The following KYNU variants were observed in gnomAD, a reference collection of about 807,000 sequenced individuals.
KYNU encodes the protein kynureninase, also known as L-kynurenine hydrolase.
In KYNU, 54 loss-of-function variants were observed where a neutral mutation model predicts 59.2. The observed-to-expected ratio is 0.91, with a 90% CI of 0.73 to 1.14. The LOEUF is 1.14. KYNU is among the 50% of genes most tolerant of loss of function. The pLI is 0.00. For missense variants in KYNU, 567 were observed against 554.4 expected (o/e 1.02, Z -0.23); for synonymous variants, 177 against 192.0 (o/e 0.92, Z 0.65).
intron 10 of KYNU, among the ~76,000 whole-genome samples, chr2:142,995,605 A>AATGGC (rs1685517201): frequency 1.3e-5 from 2 of 152,260 alleles, no homozygotes; most frequent in Non-Finnish European, 2.9e-5. Context: ...GTACCTGTTT[A>AATGGC]ATGGCATGGC....
At chr2:142,890,145 G>A (rs1681665958) in intron 2 of KYNU, among the ~76,000 whole-genome samples, 1 of 150,602 alleles carries the variant, frequency 6.6e-6, no homozygotes, top group South Asian at 2.1e-4. Flanking sequence ...AAGAGAGAGA[G>A]AGAAGGAAAG....
chr2:142,937,684 GT>G (rs1283839190), intron 4 of KYNU, among the ~76,000 whole-genome samples: 2 of 152,172 alleles, frequency 1.3e-5, no homozygotes, highest in Non-Finnish European at 2.9e-5. Context: ...GCCTGATTGG[GT>G]ACAGCCCAGC....
At chr2:143,032,996 C>T (rs1182662459) in intron 11 of KYNU, among the ~76,000 whole-genome samples, 1 of 152,038 alleles carries the variant, frequency 6.6e-6, no homozygotes, top group African/African-American at 2.4e-5. Flanking sequence ...GTCATTTTTA[C>T]CTTGGGTCTA....
At chr2:142,882,762 C>T (rs1681347389) in intron 1 of KYNU, among the ~76,000 whole-genome samples, 1 of 152,150 alleles carries the variant, frequency 6.6e-6, no homozygotes, top group African/African-American at 2.4e-5. Context: ...CAAGTGTTTG[C>T]TATTGTGAAT....
intron 4 of KYNU, among the ~76,000 whole-genome samples, chr2:142,936,042 GAA>G (rs1683381635): frequency 6.6e-6 from 1 of 152,146 alleles, no homozygotes; most frequent in African/African-American, 2.4e-5. Context: ...GCGATTGAGA[GAA>G]AGAGGTAGTG....
intron 2 of KYNU, among the ~76,000 whole-genome samples, chr2:142,898,286 A>T (rs1268292496): frequency 6.6e-6 from 1 of 151,932 alleles, no homozygotes; most frequent in Non-Finnish European, 1.5e-5. Flanking sequence ...GAGGCCAAAA[A>T]ATTGTCATCA....
At chr2:142,973,722 A>C (rs1255513685) in intron 8 of KYNU, among the ~76,000 whole-genome samples, 2 of 152,130 alleles carry the variant, frequency 1.3e-5, no homozygotes, top group African/African-American at 2.4e-5. Context: ...ACACTCAAGA[A>C]ATTTTATTCT....
chr2:142,987,821 A>G (rs1383956067), intron 10 of KYNU, among the ~76,000 whole-genome samples: 4 of 151,926 alleles, frequency 2.6e-5, no homozygotes, highest in Non-Finnish European at 4.4e-5. Flanking sequence ...GTGGGAGGTG[A>G]TGGGACAATG....
intron 8 of KYNU, among the ~76,000 whole-genome samples, chr2:142,963,242 C>T (rs185222618): frequency 8.6e-5 from 13 of 152,038 alleles, no homozygotes; most frequent in African/African-American, 3.1e-4. Context: ...ACCATCACCC[C>T]ATCAAGAAAA....
intron 4 of KYNU, among the ~76,000 whole-genome samples, chr2:142,946,731 A>C (rs777848122): frequency 9.2e-5 from 14 of 152,210 alleles, no homozygotes; most frequent in Non-Finnish European, 8.8e-5. Flanking sequence ...GCCTAAACTT[A>C]AAGTCATTAG....
intron 4 of KYNU, among the ~76,000 whole-genome samples, chr2:142,944,509 G>C (rs956081355): frequency 2.0e-5 from 3 of 152,178 alleles, no homozygotes; most frequent in Non-Finnish European, 4.4e-5. Flanking sequence ...TAGATGATCT[G>C]ATAAAGTAAA....
chr2:143,044,872 G>A lies in KYNU; in HGVS notation c.*2700G>A, dbSNP rs1687140575. On this transcript the variant is annotated 3_prime_UTR_variant, in exon 14 of 14. Transcript: ENST00000264170. Reference sequence around the variant, plus strand: ...GTCAGTTTTGGCTTTTGTTGCAATTGCTTTTGGTGTTTTAGTCTTAAATTC... The same window carrying A: ...GTCAGTTTTGGCTTTTGTTGCAATTACTTTTGGTGTTTTAGTCTTAAATTC... 1 of 150,946 alleles carries A rather than the reference G, an allele frequency of 6.6e-6. No homozygotes were observed. The allele number at this position is 150,946 out of a possible 1,614,324, so 9.4% of individuals were successfully genotyped here.
At chr2:142,932,964 T>C (rs1056536156) in intron 4 of KYNU, among the ~76,000 whole-genome samples, 4 of 152,020 alleles carry the variant, frequency 2.6e-5, no homozygotes, top group African/African-American at 9.7e-5. Flanking sequence ...TGGGTTTAGA[T>C]GGGAGCTGGT....
At chr2:142,895,678 T>C (rs1423821909) in intron 2 of KYNU, among the ~76,000 whole-genome samples, 1 of 152,100 alleles carries the variant, frequency 6.6e-6, no homozygotes, top group Non-Finnish European at 1.5e-5. Flanking sequence ...AGGTCTCATG[T>C]ATTCTTTTTT....
chr2:142,962,814 CCTA>C (rs1266664610), intron 8 of KYNU, among the ~76,000 whole-genome samples: 1 of 152,106 alleles, frequency 6.6e-6, no homozygotes, highest in Non-Finnish European at 1.5e-5. Context: ...TGTAGTTCCT[CCTA>C]TTATCAACCA....
chr2:143,038,644 G>A (rs978245381), intron 12 of KYNU, among the ~76,000 whole-genome samples: 1 of 152,076 alleles, frequency 6.6e-6, no homozygotes, highest in Admixed American at 6.6e-5. Context: ...AGAGAGACAG[G>A]CACCATTCTG....
At chr2:142,951,261 A>G (rs1222254447) in intron 4 of KYNU, among the ~76,000 whole-genome samples, 2 of 152,244 alleles carry the variant, frequency 1.3e-5, no homozygotes, top group Non-Finnish European at 2.9e-5. Context: ...CAAACAAACA[A>G]ACAAACAAAA....
intron 3 of KYNU, among the ~76,000 whole-genome samples, chr2:142,919,999 G>A (rs1323251158): frequency 6.6e-6 from 1 of 152,178 alleles, no homozygotes; most frequent in Non-Finnish European, 1.5e-5. Flanking sequence ...TTGAACCCGG[G>A]AGGCAGAGGT....
rs377324211 is a variant in KYNU, at chr2:143,052,296, C to G, written c.*10124C>G. On this transcript the variant is annotated 3_prime_UTR_variant, in exon 14 of 14. Transcript: ENST00000264170. ...CATAAAAGTTCAGAAAATTTTCAGC[C>G]TGACAATGCAGTAGAAAAGGAAAAC... is the stretch of plus-strand genomic sequence containing the variant. 15 of 152,166 alleles carry G rather than the reference C, an allele frequency of 9.9e-5. No homozygotes were observed. Among genetic ancestry groups the G allele is most frequent in the African/African-American group, 3.6e-4 (15 of 41,430 alleles). 9.4% of individuals were successfully genotyped at this position (152,166 alleles called of 1,614,324 possible).
Sources: allele counts gnomAD v4.1 joint callset (sites outside exome capture counted in the v4.1 genomes callset), GRCh38; gene constraint gnomAD v4.1.1; transcripts MANE v1.5; gene names NCBI Gene and HGNC (gene_info 2026-07-23, HGNC 2026-07-21).